Variants in ADGB observed in about 807,000 individuals in gnomAD.
ADGB encodes androglobin, also known as calpain-7-like protein.
A neutral mutation model predicts 210.5 loss-of-function variants in ADGB; 172 were observed. That is an observed-to-expected ratio of 0.82 (90% CI 0.72 to 0.93). The LOEUF is 0.93. ADGB is among the 40% of genes least tolerant of loss of function. ADGB has a pLI of 0.00. For missense variants in ADGB, 2,025 were observed against 1,964.8 expected, an observed-to-expected ratio of 1.03 and a Z score of -0.58; for synonymous variants, 658 against 662.7, an observed-to-expected ratio of 0.99 and a Z score of 0.11.
At chr6:146,688,417 A>G (rs956080451) in intron 10 of ADGB, among the ~76,000 whole-genome samples, 1 of 152,154 alleles carries the variant, frequency 6.6e-6, no homozygotes, top group Non-Finnish European at 1.5e-5. Context: ...TAAATGGGAT[A>G]AAGTGTGTTC....
chr6:146,805,591 T>C (rs1420326275), intron 35 of ADGB, among the ~76,000 whole-genome samples: 4 of 152,222 alleles, frequency 2.6e-5, no homozygotes, highest in Admixed American at 6.5e-5. Context: ...TCTCTGATCT[T>C]TTTATCCACC....
intron 3 of ADGB, among the ~76,000 whole-genome samples, chr6:146,651,897 C>T (rs757353750): frequency 5.0e-4 from 76 of 152,242 alleles, no homozygotes; most frequent in Non-Finnish European, 3.2e-4. Context: ...CTAAGCTACT[C>T]GATTACACTG....
chr6:146,715,858 A>ATC (rs1776724917), intron 14 of ADGB, among the ~76,000 whole-genome samples: 1 of 151,942 alleles, frequency 6.6e-6, no homozygotes, highest in Non-Finnish European at 1.5e-5. Context: ...TCACGAAGTC[A>ATC]GTAGATCGAG....
intron 1 of ADGB, among the ~76,000 whole-genome samples, chr6:146,609,051 C>T (rs1483743255): frequency 2.0e-5 from 3 of 152,074 alleles, no homozygotes; most frequent in African/African-American, 7.2e-5. Context: ...TCTGGGTTCC[C>T]CAGTTTTGGA....
At chr6:146,720,529 A>C (rs1028694744) in intron 16 of ADGB, among the ~76,000 whole-genome samples, 3 of 152,172 alleles carry the variant, frequency 2.0e-5, no homozygotes, top group Admixed American at 2.0e-4. Context: ...TCAGCAAGCA[A>C]TGGGTATTGA....
At chr6:146,714,095 C>T (rs979727977) in intron 13 of ADGB, among the ~76,000 whole-genome samples, 1 of 152,162 alleles carries the variant, frequency 6.6e-6, no homozygotes, top group Non-Finnish European at 1.5e-5. Flanking sequence ...TTGCCACCCA[C>T]AATTGTTAGC....
At position 146,771,617 on chromosome 6, in the gene ADGB, T is replaced by C. The variant is rs1202001932; in HGVS notation, c.3862+2486T>C. Reference sequence around the variant, plus strand: ...TTTTCTCTATCAATTAACAGAAACCTGTTTGAAATAATGGATGGTACAAAT... The same window carrying C: ...TTTTCTCTATCAATTAACAGAAACCCGTTTGAAATAATGGATGGTACAAAT... On this transcript the variant is annotated intron_variant, in intron 29 of 35. Transcript: ENST00000397944. 5.9e-5 allele frequency among the ~76,000 whole-genome samples: 9 copies of C among 152,126 alleles called. 1 individual carries two copies. Among genetic ancestry groups the C allele is most frequent in the Non-Finnish European group, 1.2e-4 (8 of 68,028 alleles).
At chr6:146,692,287 G>A (rs2114924093) in intron 11 of ADGB, among the ~76,000 whole-genome samples, 1 of 152,050 alleles carries the variant, frequency 6.6e-6, no homozygotes, top group East Asian at 1.9e-4. Flanking sequence ...TATTCATTGA[G>A]AATTTCTTTC....
intron 26 of ADGB, among the ~76,000 whole-genome samples, chr6:146,746,881 G>A (rs541197651): frequency 6.6e-6 from 1 of 151,982 alleles, no homozygotes; most frequent in Non-Finnish European, 1.5e-5. Context: ...ATTTTATTTT[G>A]CTCGAGCATT....
intron 2 of ADGB, among the ~76,000 whole-genome samples, chr6:146,636,779 A>C (rs1775429852): frequency 6.6e-6 from 1 of 152,020 alleles, no homozygotes; most frequent in Non-Finnish European, 1.5e-5. Context: ...TCGCATCTGC[A>C]TGAAATGGTT....
At chr6:146,600,197 G>T (rs893668543) in intron 1 of ADGB, 1 of 151,802 alleles carries the variant, frequency 6.6e-6, no homozygotes, top group Non-Finnish European at 1.5e-5. Context: ...TTAAATTTTA[G>T]ATATTACATA....
At chr6:146,677,228 A>G (rs778388593) in intron 9 of ADGB, among the ~76,000 whole-genome samples, 4 of 152,146 alleles carry the variant, frequency 2.6e-5, no homozygotes, top group Non-Finnish European at 4.4e-5. Flanking sequence ...ACCGCAACCT[A>G]TTCAGGAGGT....
chr6:146,702,630 A>G (rs1046333680), intron 13 of ADGB, among the ~76,000 whole-genome samples: 3 of 151,958 alleles, frequency 2.0e-5, no homozygotes, highest in African/African-American at 7.2e-5. Context: ...ACTCAAAATT[A>G]AATAATCTTA....
At chr6:146,696,971 A>C (rs1270568608) in intron 12 of ADGB, among the ~76,000 whole-genome samples, 1 of 152,200 alleles carries the variant, frequency 6.6e-6, no homozygotes, top group African/African-American at 2.4e-5. Context: ...AGCACTGATG[A>C]ATATTTTCGG....
In ADGB at chr6:146,633,770, A is replaced by G. The variant is rs147548586; in HGVS notation, c.75-1605A>G. ...TGTTATATTTCCCTTTAGGAGTTTC[A>G]TGTTTGAATACAATCACACACCTCA... On this transcript the variant is annotated intron_variant, in intron 1 of 35. Transcript: ENST00000397944. Among the ~76,000 whole-genome samples, 510 of 152,184 alleles carry G rather than the reference A, an allele frequency of 3.4e-3. 2 individuals are homozygous for G. The highest frequency in any genetic ancestry group is 0.011 in the African/African-American group (471 of 41,530).
intron 33 of ADGB, among the ~76,000 whole-genome samples, chr6:146,797,090 G>GA (rs1778054564): frequency 6.6e-6 from 1 of 152,020 alleles, no homozygotes; most frequent in Non-Finnish European, 1.5e-5. Context: ...ACAAACATAT[G>GA]AAAAAATGCT....
At chr6:146,760,784 T>C (rs897798797) in intron 27 of ADGB, among the ~76,000 whole-genome samples, 1 of 151,976 alleles carries the variant, frequency 6.6e-6, no homozygotes, top group Non-Finnish European at 1.5e-5. Context: ...ATGTTTTTAA[T>C]CCATCATTCT....
At position 146,656,933 on chromosome 6, in the gene ADGB, C is replaced by T. The variant is rs759528092; in HGVS notation, c.565C>T (p.Pro189Ser). The stretch of plus-strand genomic sequence containing the variant: ...GTGCAAGGCTGTGAAGGGTCATATG[C>T]CTTTGTTCAATAGCTATGGAAAGTA... ...SLCKAVKGHM[P>S]LFNSYGKYVV... Residue 189 changes from proline to serine, a missense_variant, in exon 5 of 36, where the codon CCT becomes TCT. Transcript: ENST00000397944. 6.4e-7 allele frequency: 1 copy of T among 1,551,528 alleles called. No individual in the cohort carries two copies.
rs137952614 is a variant in ADGB at position 146,669,786 on chromosome 6, G to A, written c.840-2434G>A. ...AGTTTATGCCTGGTCACCATTGCCC[G>A]AACTCTAGACTGTATTTATCTACAA... On this transcript the variant is annotated intron_variant, in intron 7 of 35. Coordinates refer to ENST00000397944, the MANE Select transcript of ADGB (RefSeq NM_024694.4). 1.9e-3 allele frequency among the ~76,000 whole-genome samples: 294 copies of A among 152,092 alleles called. 2 individuals are homozygous for A. The highest frequency in any genetic ancestry group is 6.5e-3 in the African/African-American group (271 of 41,516).
Sources: gnomAD v4.1 joint callset for allele counts (sites outside exome capture counted in the v4.1 genomes callset) on GRCh38, gnomAD v4.1.1 for gene constraint, MANE v1.5 for transcripts, NCBI Gene and HGNC (gene_info 2026-07-23, HGNC 2026-07-21) for gene names.